Variants in JAG1 observed in about 807,000 individuals in gnomAD.
JAG1 encodes the protein protein jagged-1.
A neutral mutation model predicts 148.7 loss-of-function variants in JAG1; 23 were observed. The observed-to-expected ratio is 0.15, with a 90% CI of 0.11 to 0.22. JAG1 has a LOEUF of 0.22. Among genes scored for constraint, JAG1 ranks in the 10% least tolerant of loss-of-function variants. The probability of loss-of-function intolerance (pLI) is 1.00; values close to 1 mark genes in which losing one functional copy is unlikely to be tolerated. For missense variants in JAG1, 1,054 were observed against 1,611.2 expected (o/e 0.65, Z 5.92); for synonymous variants, 572 against 598.3 (o/e 0.96, Z 0.64).
intron 2 of JAG1, among the ~76,000 whole-genome samples, chr20:10,664,452 C>G (rs532813270): frequency 6.6e-6 from 1 of 151,080 alleles, no homozygotes; most frequent in African/African-American, 2.4e-5. Flanking sequence ...GTATTTGTAC[C>G]GAGGGGGTAT....
rs778918039 is a variant in JAG1, at chr20:10,645,297, C to T, written c.2114-41G>A. On this transcript the variant is annotated intron_variant, in intron 16 of 25. Coordinates refer to ENST00000254958, the MANE Select transcript of JAG1 (RefSeq NM_000214.3). The surrounding 1 kb of genome is among the most constrained non-coding windows in gnomAD (Gnocchi z 6.1). ...TCAGTGTGAGTCCCAGTGGCCCCCT[C>T]CCACAGAAGACAGAGGGAAGGGTCC... is the stretch of plus-strand genomic sequence containing the variant. 23 of 1,606,626 alleles carry T rather than the reference C, an allele frequency of 1.4e-5. No homozygotes were observed.
intron 6 of JAG1, 50 bp from the exon 7 acceptor site, chr20:10,652,300 A>C: frequency 6.2e-7 from 1 of 1,611,298 alleles, no homozygotes; most frequent in Non-Finnish European, 8.5e-7. Flanking sequence ...AAGATGGCGA[A>C]CCCACCATGT....
intron 3 of JAG1, among the ~76,000 whole-genome samples, chr20:10,661,027 C>T (rs1049949715): frequency 6.6e-6 from 1 of 152,142 alleles, no homozygotes; most frequent in African/African-American, 2.4e-5. Flanking sequence ...TGAAGTGTGC[C>T]TATTTATGTT....
At chr20:10,647,308 C>A (rs1446319018) in intron 13 of JAG1, 2 of 614,050 alleles carry the variant, frequency 3.3e-6, no homozygotes, top group Non-Finnish European at 5.8e-6. Context: ...AGTTTTAAAG[C>A]ATTTTCTCCC....
chr20:10,641,497 T>C lies in JAG1; in HGVS notation c.2879A>G (p.Asn960Ser), dbSNP rs2122596406. 1.9e-6 allele frequency: 3 copies of C among 1,614,052 alleles called. No homozygotes were observed. Among genetic ancestry groups the C allele is most frequent in the Non-Finnish European group, 2.5e-6 (3 of 1,180,024 alleles). The change falls in exon 23 of 26, where the codon AAC (asparagine) becomes AGC (serine). Residue 960 changes from asparagine to serine, a missense_variant. Transcript: ENST00000254958. Reference protein sequence around the residue: ...SDSYYQDNCANITFTFNKEMM... With the variant: ...SDSYYQDNCASITFTFNKEMM... Reference sequence around the variant, plus strand: ...CTCCTTGTTAAAGGTAAATGTGATGTTCGCACAGTTATCCTGGTAATAGGA... The same window carrying C: ...CTCCTTGTTAAAGGTAAATGTGATGCTCGCACAGTTATCCTGGTAATAGGA...
Position 10,639,582 on chromosome 20 carries a change from T to C in JAG1, c.3573A>G (p.Thr1191=), listed in dbSNP as rs762774678. 2.5e-6 allele frequency: 4 copies of C among 1,614,234 alleles called. No individual in the cohort carries two copies. The highest frequency in any genetic ancestry group is 3.4e-6 in the Non-Finnish European group (4 of 1,180,034). ...REEKPPNGTP[T]KHPNWTNKQD... is the part of the protein sequence containing the mutation. The stretch of plus-strand genomic sequence containing the variant: ...GTTTGTTTGTCCAGTTTGGGTGTTT[T>C]GTCGGCGTGCCGTTGGGGGGCTTCT... Residue 1191 remains threonine (T), a synonymous_variant, in exon 26 of 26, where the codon ACA becomes ACG. Transcript: ENST00000254958.
chr20:10,640,918 G>A lies in JAG1; in HGVS notation c.3064C>T (p.Arg1022Trp), dbSNP rs1057516205. 14 of 1,613,900 alleles carry A rather than the reference G, an allele frequency of 8.7e-6. No individual in the cohort carries two copies. Among genetic ancestry groups the A allele is most frequent in the East Asian group, 2.2e-5 (1 of 44,882 alleles). Residue 1022 changes from arginine (R) to tryptophan (W), a missense_variant, in exon 25 of 26, where the codon CGG becomes TGG. By Grantham distance (101) the Arg-to-Trp change is moderately radical. Transcript: ENST00000254958. ...IHVAISAEDI[R>W]DDGNPIKEIT... ...TCCTTGATCGGGTTCCCATCATCCC[G>A]TATATCTTCAGCAGACTGGAAAAAC...
intron 2 of JAG1, 72 bp from the exon 3 acceptor site, chr20:10,664,086 C>G: frequency 1.7e-6 from 2 of 1,190,314 alleles, no homozygotes; most frequent in Non-Finnish European, 1.3e-6. Flanking sequence ...CATTCTTGGC[C>G]TCCCAGAATA....
rs2067347196 is a variant in JAG1, at chr20:10,651,654, G to T, written c.1047C>A (p.Gly349=). 2.5e-6 allele frequency: 4 copies of T among 1,613,972 alleles called. No homozygotes were observed. The highest frequency in any genetic ancestry group is 3.4e-6 in the Non-Finnish European group (4 of 1,179,950). ...AGCCCAGGGAGGTCTCCTTACAGCT[G>T]CCTCTGTTGTGACAGGGATCAGAGA... ...ACLSDPCHNR[G]SCKETSLGFE... Residue 349 remains glycine (G), a synonymous_variant, in exon 8 of 26, where the codon GGC becomes GGA. Coordinates refer to ENST00000254958, the MANE Select transcript of JAG1 (RefSeq NM_000214.3).
Position 10,646,088 on chromosome 20 carries a change from T to C in JAG1, c.1886-4A>G, listed in dbSNP as rs775192891. 1.2e-6 allele frequency: 2 copies of C among 1,601,454 alleles called. No homozygotes were observed. Among genetic ancestry groups the C allele is most frequent in the African/African-American group, 1.3e-5 (1 of 74,772 alleles). On this transcript the variant is annotated splice_polypyrimidine_tract_variant and splice_region_variant and intron_variant, in intron 14 of 25. Coordinates refer to ENST00000254958, the MANE Select transcript of JAG1 (RefSeq NM_000214.3). ...TTGCTCTCACAGTCATTAATATCTATGAAACAAAGTAAAGCAAAAAAAGAA... is the reference window on the plus strand; with the variant it reads ...TTGCTCTCACAGTCATTAATATCTACGAAACAAAGTAAAGCAAAAAAAGAA...
At position 10,673,461 on chromosome 20, in the gene JAG1, G is replaced by A; in HGVS notation, c.70C>T (p.Leu24=). The part of the protein sequence containing the change: ...LSLLLALLCA[L]RAKVCGASGQ... ...AGAAGGGCTCCTACCTTGGCTCGCA[G>A]GGCACAGAGCAGGGCGAGCAGGAGG... The change falls in exon 1 of 26, where the codon CTG becomes TTG. Residue 24 remains leucine (L), a synonymous_variant. Coordinates refer to ENST00000254958, the MANE Select transcript of JAG1 (RefSeq NM_000214.3). This position sits in a 1 kb window ranked among gnomAD's most constrained non-coding sequence, Gnocchi z 4.7. 1 of 1,447,906 alleles carries A rather than the reference G, an allele frequency of 6.9e-7. No homozygotes were observed. Among genetic ancestry groups the A allele is most frequent in the Non-Finnish European group, 9.1e-7 (1 of 1,101,224 alleles). 89.7% of individuals were successfully genotyped at this position (1,447,906 alleles called of 1,614,324 possible).
At chr20:10,656,834 C>G (rs369910764) in intron 4 of JAG1, among the ~76,000 whole-genome samples, 3 of 151,076 alleles carry the variant, frequency 2.0e-5, no homozygotes, top group East Asian at 3.9e-4. Flanking sequence ...TAATCCTTCC[C>G]CATCCCACCA....
At chr20:10,656,563 A>C in intron 4 of JAG1, 105 bp from the exon 5 acceptor site, 2 of 905,206 alleles carry the variant, frequency 2.2e-6, no homozygotes, top group South Asian at 2.8e-5. Context: ...CCACGATTTT[A>C]ACAGGTCTCA....
chr20:10,669,028 A>G (rs933465509), intron 2 of JAG1, among the ~76,000 whole-genome samples: 1 of 40,770 alleles, frequency 2.5e-5, no homozygotes, highest in Non-Finnish European at 4.4e-5. Context: ...CACCTGCAAG[A>G]GAAAAAAAAA....
chr20:10,643,747 A>G, intron 20 of JAG1, 31 bp downstream of exon 20: 1 of 1,581,918 alleles, frequency 6.3e-7, no homozygotes, highest in Non-Finnish European at 8.7e-7. Context: ...CGGTAAAGCC[A>G]TTGGGAAAAC....
In JAG1 at chr20:10,648,040, T is replaced by C; in HGVS notation, c.1640A>G (p.Tyr547Cys). Residue 547 changes from tyrosine to cysteine, a missense_variant, in exon 13 of 26, where the codon TAT becomes TGT. Physicochemically the swap from Tyr to Cys is radical, Grantham distance 194. Transcript: ENST00000254958. ...ATAGTCCTCGGGGCACTTGCAGAAA[T>C]AGTCACTGGCACGGTTGTAGCACTG... ...GAQCYNRASD[Y>C]FCKCPEDYEG... The C allele has an allele frequency of 6.2e-7, 1 of 1,614,054 alleles. No individual in the cohort carries two copies. Among genetic ancestry groups the C allele is most frequent in the Non-Finnish European group, 8.5e-7 (1 of 1,180,014 alleles).
At position 10,673,360 on chromosome 20, in the gene JAG1, G is replaced by A; in HGVS notation, c.81+90C>T. 9.9e-7 allele frequency: 1 copy of A among 1,012,410 alleles called. No individual in the cohort carries two copies. Among genetic ancestry groups the A allele is most frequent in the Non-Finnish European group, 1.4e-6 (1 of 710,450 alleles). The allele number at this position is 1,012,410 out of a possible 1,614,324, so 62.7% of individuals were successfully genotyped here. Reference sequence around the variant, plus strand: ...GCGAGGAGTCGGGCGCTCGAGGGCTGCCGAGCCTGCTCGCGGGGCTCAACC... The same window carrying A: ...GCGAGGAGTCGGGCGCTCGAGGGCTACCGAGCCTGCTCGCGGGGCTCAACC... On this transcript the variant is annotated intron_variant, in intron 1 of 25. Coordinates refer to ENST00000254958, the MANE Select transcript of JAG1 (RefSeq NM_000214.3). The surrounding 1 kb of genome is among the most constrained non-coding windows in gnomAD (Gnocchi z 4.7).
chr20:10,664,373 AACACACACACACACACACACAC>A (rs59417356), intron 2 of JAG1, among the ~76,000 whole-genome samples: 1,764 of 144,686 alleles, frequency 0.012, 38 homozygotes, highest in African/African-American at 0.042. Flanking sequence ...TGCATGAGGA[AACACACACACACACACACACAC>A]ACACACACAC....
chr20:10,651,379 A>C, intron 8 of JAG1: 2 of 569,324 alleles, frequency 3.5e-6, no homozygotes, highest in East Asian at 5.7e-5. Flanking sequence ...GAACAGATAC[A>C]TGCGCTACCT....
Sources: allele counts gnomAD v4.1 joint callset (sites outside exome capture counted in the v4.1 genomes callset), GRCh38; gene constraint gnomAD v4.1.1; non-coding constraint Gnocchi (gnomAD v3.1); transcripts MANE v1.5; gene names NCBI Gene and HGNC (gene_info 2026-07-23, HGNC 2026-07-21).